The following NRBP1 variants were observed in gnomAD, a reference collection of about 807,000 sequenced individuals.
The protein encoded by NRBP1 is nuclear receptor-binding protein.
NRBP1 carries 10 observed loss-of-function variants against 76.0 expected under a neutral mutation model. The observed-to-expected ratio is 0.13, with a 90% CI of 0.08 to 0.22. The LOEUF (loss-of-function observed/expected upper bound fraction) is 0.22, where lower values mean the gene tolerates loss of function less well. NRBP1 is among the 10% of genes least tolerant of loss of function. NRBP1 has a pLI of 1.00. For synonymous variants in NRBP1, 235 were observed against 240.2 expected, an observed-to-expected ratio of 0.98 and a Z score of 0.20; for missense variants, 344 against 646.0, an observed-to-expected ratio of 0.53 and a Z score of 5.07.
chr2:27,439,909 T>C lies in NRBP1; in HGVS notation c.1036+11T>C, dbSNP rs1664459945. The C allele has an allele frequency of 6.2e-7, 1 of 1,609,518 alleles. No homozygotes were observed. The highest frequency in any genetic ancestry group is 8.5e-7 in the Non-Finnish European group (1 of 1,177,640). On this transcript the variant is annotated intron_variant, in intron 11 of 17. Coordinates refer to ENST00000379852, the MANE Select transcript of NRBP1 (RefSeq NM_013392.4). ...TTGTGGGACACCAACGTGAGTCGTC[T>C]TGGCCCTATGGGGAATAGTCTTCCA...
In NRBP1 at chr2:27,441,723, T is replaced by C; in HGVS notation, c.1519T>C (p.Leu507=). 1 of 1,613,816 alleles carries C rather than the reference T, an allele frequency of 6.2e-7. No homozygotes were observed. Among genetic ancestry groups the C allele is most frequent in the Non-Finnish European group, 8.5e-7 (1 of 1,179,772 alleles). ...GFISEADQSR[L]TSLLEETLNK... is the part of the protein sequence containing the mutation. ...TCTCCCCCAGGCTGACCAGAGCCGG[T>C]TGACTTCTCTGCTAGAAGAGACCTT... Residue 507 remains leucine (L), a synonymous_variant, in exon 18 of 18, where the codon TTG becomes CTG. Transcript: ENST00000379852.
In NRBP1 at chr2:27,442,037, G is replaced by A; in HGVS notation, c.*225G>A. On this transcript the variant is annotated 3_prime_UTR_variant, in exon 18 of 18. Transcript: ENST00000379852. ...TTGTTTTGCACAGACGTGGGCCTGG[G>A]CCTTCTCAGCAGCCGCCTTCTAGTT... is the stretch of plus-strand genomic sequence containing the variant. 1.8e-6 allele frequency: 1 copy of A among 541,074 alleles called. No homozygotes were observed. Among genetic ancestry groups the A allele is most frequent in the East Asian group, 3.0e-5 (1 of 32,886 alleles). 33.5% of individuals were successfully genotyped at this position (541,074 alleles called of 1,614,324 possible). A position where few individuals can be genotyped will look rare whatever the true frequency, so the allele number is the denominator to read the frequency against.
intron 11 of NRBP1, among the ~76,000 whole-genome samples, chr2:27,440,142 G>A (rs1368185981): frequency 6.6e-6 from 1 of 151,610 alleles, no homozygotes; most frequent in Non-Finnish European, 1.5e-5. Context: ...CTCCCGAAGA[G>A]CTGGGATTAC....
At chr2:27,441,010 G>C in intron 14 of NRBP1, 70 bp downstream of exon 14, 2 of 1,609,704 alleles carry the variant, frequency 1.2e-6, no homozygotes, top group Non-Finnish European at 1.7e-6. Flanking sequence ...CTCAAATAAG[G>C]CTCTATCCTT....
chr2:27,435,839 C>G (rs1321613008), intron 7 of NRBP1: 3 of 715,264 alleles, frequency 4.2e-6, no homozygotes, highest in Non-Finnish European at 7.8e-6. Flanking sequence ...GGAGCAAACC[C>G]TCTTCCCCTA....
At chr2:27,440,373 C>T in intron 11 of NRBP1, 30 bp from the exon 12 acceptor site, 1 of 1,431,278 alleles carries the variant, frequency 7.0e-7, no homozygotes, top group Non-Finnish European at 9.9e-7. Context: ...ACTATCCCTT[C>T]ATAATATCCC....
intron 7 of NRBP1, chr2:27,435,914 C>T (rs1664289322): frequency 1.5e-6 from 1 of 646,486 alleles, no homozygotes. Flanking sequence ...CTTGCCCCTT[C>T]ATAACCTGCT....
intron 10 of NRBP1, among the ~76,000 whole-genome samples, 155 bp from the exon 11 acceptor site, chr2:27,439,611 C>T (rs185509998): frequency 4.6e-4 from 70 of 152,200 alleles, no homozygotes; most frequent in African/African-American, 1.6e-3. Context: ...GTTTTTGAAG[C>T]CCTTTCAGGT....
intron 9 of NRBP1, 29 bp downstream of exon 9, chr2:27,437,134 G>C (rs755428639): frequency 1.9e-6 from 3 of 1,607,896 alleles, no homozygotes; most frequent in South Asian, 2.2e-5. Context: ...AGGGGGGAAA[G>C]GGGTCAGATG....
chr2:27,441,252 T>C lies in NRBP1; in HGVS notation c.1384-15T>C. 1 of 1,614,110 alleles carries C rather than the reference T, an allele frequency of 6.2e-7. No individual in the cohort carries two copies. The highest frequency in any genetic ancestry group is 8.5e-7 in the Non-Finnish European group (1 of 1,179,970). ...GGGAAGAAAAGTCTCATTTTCTGAC[T>C]GTCCTATTCTCCAGCTGACACTTCT... On this transcript the variant is annotated splice_polypyrimidine_tract_variant and intron_variant, in intron 15 of 17. Coordinates refer to ENST00000379852, the MANE Select transcript of NRBP1 (RefSeq NM_013392.4).
chr2:27,428,842 G>A, intron 1 of NRBP1, 111 bp downstream of exon 1: 1 of 397,874 alleles, frequency 2.5e-6, no homozygotes, highest in Admixed American at 4.4e-5. Context: ...GCTGAAGGCG[G>A]CCCTGCTCAC....
chr2:27,441,386 G>A (rs1664550351), intron 16 of NRBP1, 56 bp downstream of exon 16: 1 of 1,539,448 alleles, frequency 6.5e-7, no homozygotes, highest in Admixed American at 1.7e-5. Flanking sequence ...ATCTTTTAGG[G>A]ACATATTCAG....
At chr2:27,428,808 GA>G (rs969089871) in intron 1 of NRBP1, 77 bp downstream of exon 1, 26 of 398,012 alleles carry the variant, frequency 6.5e-5, no homozygotes, top group African/African-American at 5.3e-4. Context: ...CGAGGCCCGG[GA>G]CGGTGGGACC....
At chr2:27,439,587 T>A (rs1664447337) in intron 10 of NRBP1, among the ~76,000 whole-genome samples, 179 bp from the exon 11 acceptor site, 1 of 151,362 alleles carries the variant, frequency 6.6e-6, no homozygotes, top group African/African-American at 2.5e-5. Context: ...GTATCTTTCA[T>A]ATAATATCTT....
chr2:27,440,460 T>C lies in NRBP1; in HGVS notation c.1094T>C (p.Val365Ala). 6.2e-7 allele frequency: 1 copy of C among 1,614,130 alleles called. No individual in the cohort carries two copies. Among genetic ancestry groups the C allele is most frequent in the Non-Finnish European group, 8.5e-7 (1 of 1,179,994 alleles). ...EITKNMDTSA[V>A]LAEIPAGPGR... ...ACCAAAAACATGGATACTAGTGCCGTACTGGCTGAAATCCCTGCAGGACCA... is the reference window on the plus strand; with the variant it reads ...ACCAAAAACATGGATACTAGTGCCGCACTGGCTGAAATCCCTGCAGGACCA... Residue 365 changes from valine to alanine, a missense_variant, in exon 12 of 18, where the codon GTA (valine) becomes GCA (alanine). Around this residue, in one of 3 missense-constraint regions of NRBP1, gnomAD observed 218 missense variants for 309.8 expected, o/e 0.70. Coordinates refer to ENST00000379852, the MANE Select transcript of NRBP1 (RefSeq NM_013392.4).
At chr2:27,436,124 G>A (rs144434170) in intron 7 of NRBP1, 3 of 360,742 alleles carry the variant, frequency 8.3e-6, no homozygotes, top group African/African-American at 6.1e-5. Context: ...TGAGGAATAA[G>A]GGGGTAGAAC....
rs549056356 is a variant in NRBP1 at position 27,428,680 on chromosome 2, C to T, written c.-72C>T. 5.0e-6 allele frequency: 2 copies of T among 398,052 alleles called. No individual in the cohort carries two copies. Among genetic ancestry groups the T allele is most frequent in the Non-Finnish European group, 8.9e-6 (2 of 225,740 alleles). 24.7% of individuals were successfully genotyped at this position (398,052 alleles called of 1,614,324 possible). A position where few individuals can be genotyped will look rare whatever the true frequency, so the allele number is the denominator to read the frequency against. On this transcript the variant is annotated 5_prime_UTR_variant, in exon 1 of 18. Transcript: ENST00000379852. ...GAGGGAGTCGCTGTGATCCGGGGCC[C>T]CGGAACCCGAGCTGGAGCTGAAGCG... is the stretch of plus-strand genomic sequence containing the variant.
chr2:27,434,639 G>T (rs1664238062), intron 5 of NRBP1, 79 bp downstream of exon 5: 29 of 1,594,202 alleles, frequency 1.8e-5, no homozygotes, highest in Admixed American at 5.0e-5. Flanking sequence ...TAATGAAGCT[G>T]ATCAGGAAGG....
rs1482491959 is a variant in NRBP1, at chr2:27,440,508, T to G, written c.1142T>G (p.Leu381Trp). The change falls in exon 12 of 18, where the codon TTG becomes TGG. Residue 381 changes from leucine to tryptophan, a missense_variant and splice_region_variant. Physicochemically the swap from Leu to Trp is moderately conservative, Grantham distance 61. Coordinates refer to ENST00000379852, the MANE Select transcript of NRBP1 (RefSeq NM_013392.4). ...AGPGREPVQT[L>W]YSQSPALELD... ...CCAGGAAGAGAACCAGTTCAGACTT[T>G]GTGAGTAACTGAGAGGGTCTGAAAG... 1 of 1,612,570 alleles carries G rather than the reference T, an allele frequency of 6.2e-7. No individual in the cohort carries two copies.
Sources: allele counts gnomAD v4.1 joint callset (sites outside exome capture counted in the v4.1 genomes callset), GRCh38; gene constraint gnomAD v4.1.1; regional missense constraint gnomAD v4.1.1; transcripts MANE v1.5; gene names NCBI Gene and HGNC (gene_info 2026-07-23, HGNC 2026-07-21).